UBE2E3: variants seen among roughly 807,000 people sequenced by gnomAD.
The protein encoded by UBE2E3 is ubiquitin conjugating enzyme E2 E3, also known as ubiquitin-conjugating enzyme E2 E3.
A neutral mutation model predicts 23.6 loss-of-function variants in UBE2E3; 5 were observed. The observed-to-expected ratio is 0.21, with a 90% CI of 0.11 to 0.44. The LOEUF is 0.44. Ranked by LOEUF, UBE2E3 falls within the 20% of genes least tolerant of loss-of-function variation. The pLI is 0.99. For synonymous variants in UBE2E3, 78 were observed against 87.5 expected (o/e 0.89, Z 0.60); for missense variants, 81 against 249.8 (o/e 0.32, Z 4.55).
intron 3 of UBE2E3, among the ~76,000 whole-genome samples, chr2:181,053,182 A>G (rs1409284041): frequency 1.3e-5 from 2 of 151,866 alleles, no homozygotes; most frequent in Non-Finnish European, 2.9e-5. Context: ...TGCCAACTAC[A>G]TGAACTTTGA....
At chr2:181,054,509 C>T (rs1205384833) in intron 3 of UBE2E3, among the ~76,000 whole-genome samples, 11 of 151,406 alleles carry the variant, frequency 7.3e-5, no homozygotes, top group South Asian at 2.1e-4. Context: ...GTTTTTCATA[C>T]GCTTACTTGC....
intron 4 of UBE2E3, among the ~76,000 whole-genome samples, chr2:181,060,370 C>CAAACAGACG (rs1687108426): frequency 6.6e-6 from 1 of 151,696 alleles, no homozygotes; most frequent in Admixed American, 6.6e-5. Context: ...GTTGTATATG[C>CAAACAGACG]TGTGGATGTG....
intron 3 of UBE2E3, among the ~76,000 whole-genome samples, chr2:181,039,301 AT>A (rs1398443357): frequency 6.6e-6 from 1 of 152,056 alleles, no homozygotes; most frequent in African/African-American, 2.4e-5. Context: ...AAATAAATTT[AT>A]ACTTCAAAGC....
chr2:181,040,492 T>A (rs932475301), intron 3 of UBE2E3, among the ~76,000 whole-genome samples: 1 of 152,224 alleles, frequency 6.6e-6, no homozygotes, highest in African/African-American at 2.4e-5. Context: ...TGACATTTAT[T>A]CAAGAAGCAT....
intron 3 of UBE2E3, among the ~76,000 whole-genome samples, chr2:181,015,285 A>G (rs11899193): frequency 0.018 from 2,790 of 152,292 alleles, 69 homozygotes; most frequent in African/African-American, 0.064. Context: ...TAGTCACATT[A>G]GGACATTTTA....
chr2:181,057,919 G>A (rs1275093650), intron 4 of UBE2E3, 94 bp downstream of exon 4: 1 of 1,292,780 alleles, frequency 7.7e-7, no homozygotes, highest in East Asian at 2.4e-5. Context: ...CAGTTATTTT[G>A]ATTTCATTGC....
At chr2:180,984,129 G>C (rs535474322) in intron 3 of UBE2E3, 36 bp downstream of exon 3, 1 of 1,562,800 alleles carries the variant, frequency 6.4e-7, no homozygotes, top group African/African-American at 1.4e-5. Flanking sequence ...GTTTCAAATT[G>C]TGGAAAAATA....
At chr2:181,002,965 G>T (rs1685032861) in intron 3 of UBE2E3, among the ~76,000 whole-genome samples, 2 of 152,230 alleles carry the variant, frequency 1.3e-5, no homozygotes, top group South Asian at 4.1e-4. Context: ...GTACAAAAAT[G>T]CAGGCTTCTT....
intron 3 of UBE2E3, among the ~76,000 whole-genome samples, chr2:181,045,564 C>T (rs1686649758): frequency 1.3e-5 from 2 of 152,142 alleles, no homozygotes; most frequent in South Asian, 4.1e-4. Context: ...CATTTTATCA[C>T]CTGATGAGTT....
At chr2:180,996,869 CA>C (rs1422407268) in intron 3 of UBE2E3, among the ~76,000 whole-genome samples, 94 of 151,264 alleles carry the variant, frequency 6.2e-4, no homozygotes, top group East Asian at 3.9e-3. Flanking sequence ...GTCTGATATG[CA>C]AAAAAAAATT....
At chr2:181,062,537 C>A (rs953401413) in intron 5 of UBE2E3, among the ~76,000 whole-genome samples, 9 of 151,286 alleles carry the variant, frequency 5.9e-5, no homozygotes, top group Non-Finnish European at 1.2e-4. Context: ...AAAGACATAT[C>A]TTTTATAAAA....
chr2:180,998,052 T>G (rs1017199494), intron 3 of UBE2E3, among the ~76,000 whole-genome samples: 3 of 152,222 alleles, frequency 2.0e-5, no homozygotes, highest in Admixed American at 2.0e-4. Context: ...ACTATGAGAA[T>G]AATTTTAATT....
At chr2:180,983,541 T>G (rs1373439106) in intron 2 of UBE2E3, among the ~76,000 whole-genome samples, 1 of 152,266 alleles carries the variant, frequency 6.6e-6, no homozygotes, top group Non-Finnish European at 1.5e-5. Flanking sequence ...TTTGAAAGTT[T>G]TTCACAAGTA....
At chr2:181,045,577 T>C (rs1376490219) in intron 3 of UBE2E3, among the ~76,000 whole-genome samples, 1 of 152,180 alleles carries the variant, frequency 6.6e-6, no homozygotes, top group Non-Finnish European at 1.5e-5. Flanking sequence ...GATGAGTTTT[T>C]AAAGCTCTGT....
At chr2:181,052,970 C>T (rs145029258) in intron 3 of UBE2E3, among the ~76,000 whole-genome samples, 111 of 151,936 alleles carry the variant, frequency 7.3e-4, no homozygotes, top group African/African-American at 2.5e-3. Context: ...GCACAGGACA[C>T]CTCGCCATCA....
chr2:180,981,944 C>T (rs1684308048), intron 1 of UBE2E3, 74 bp from the exon 2 acceptor site: 2 of 1,123,274 alleles, frequency 1.8e-6, no homozygotes, highest in Non-Finnish European at 2.5e-6. Flanking sequence ...TTTTAGATGA[C>T]TAGAAGAAAA....
chr2:181,001,582 G>A (rs1684992638), intron 3 of UBE2E3, among the ~76,000 whole-genome samples: 2 of 151,864 alleles, frequency 1.3e-5, no homozygotes, highest in Non-Finnish European at 2.9e-5. Context: ...GAAAAGTGAA[G>A]AAAAAAATAA....
At chr2:181,025,357 T>A (rs1187699474) in intron 3 of UBE2E3, among the ~76,000 whole-genome samples, 1 of 151,786 alleles carries the variant, frequency 6.6e-6, no homozygotes, top group Non-Finnish European at 1.5e-5. Flanking sequence ...ATAAATGTAA[T>A]TTTCACAGTG....
intron 3 of UBE2E3, among the ~76,000 whole-genome samples, chr2:181,009,995 A>G (rs550511475): frequency 3.2e-4 from 48 of 152,102 alleles, no homozygotes; most frequent in African/African-American, 1.1e-3. Flanking sequence ...TTTAAATACT[A>G]TTTCTGCTTT....
Sources: gnomAD v4.1 joint callset for allele counts (sites outside exome capture counted in the v4.1 genomes callset) on GRCh38, gnomAD v4.1.1 for gene constraint, MANE v1.5 for transcripts, NCBI Gene and HGNC (gene_info 2026-07-23, HGNC 2026-07-21) for gene names.